ARIH2: variants seen among roughly 807,000 people sequenced by gnomAD.
The protein encoded by ARIH2 is E3 ubiquitin-protein ligase ARIH2.
ARIH2 carries 12 observed loss-of-function variants against 79.8 expected under a neutral mutation model. That is an observed-to-expected ratio of 0.15 (90% confidence interval 0.10 to 0.24). The LOEUF is 0.24. ARIH2 is among the 10% of genes least tolerant of loss of function. ARIH2 has a pLI of 1.00. For missense variants in ARIH2, 301 were observed against 618.3 expected, an observed-to-expected ratio of 0.49 and a Z score of 5.44; for synonymous variants, 224 against 213.9, an observed-to-expected ratio of 1.05 and a Z score of -0.41.
At chr3:48,944,691 A>C (rs919222128) in intron 3 of ARIH2, among the ~76,000 whole-genome samples, 1 of 152,172 alleles carries the variant, frequency 6.6e-6, no homozygotes, top group Non-Finnish European at 1.5e-5. Flanking sequence ...GTTTAGGGTC[A>C]GAAGCCCTAT....
intron 3 of ARIH2, among the ~76,000 whole-genome samples, chr3:48,942,189 T>TAG (rs1252162189): frequency 6.6e-6 from 1 of 151,976 alleles, no homozygotes; most frequent in Admixed American, 6.6e-5. Context: ...TAGCTGGGAT[T>TAG]AGAGGTGCCC....
intron 11 of ARIH2, 121 bp from the exon 12 acceptor site, chr3:48,979,361 T>A: frequency 9.7e-7 from 1 of 1,027,108 alleles, no homozygotes; most frequent in Non-Finnish European, 1.4e-6. Context: ...AGAGGCACCC[T>A]TGGGAAGTTG....
At chr3:48,967,430 A>G in intron 6 of ARIH2, 155 bp downstream of exon 6, 2 of 857,578 alleles carry the variant, frequency 2.3e-6, no homozygotes, top group South Asian at 1.8e-5. Flanking sequence ...CCATACAAAC[A>G]GTGACAAAGT....
At chr3:48,944,679 TG>T (rs538967802) in intron 3 of ARIH2, among the ~76,000 whole-genome samples, 2 of 152,134 alleles carry the variant, frequency 1.3e-5, no homozygotes, top group Non-Finnish European at 2.9e-5. Context: ...GGGGTGAGCC[TG>T]GTTTAGGGTC....
At position 48,984,865 on chromosome 3, in the gene ARIH2, G is replaced by T. The variant is rs759087578; in HGVS notation, c.*1595G>T. Reference sequence around the variant, plus strand: ...TAGCTGTGACTCATGGGATCATGAGGTCCATGGCTGGTTGCAGGTTCCCTT... The same window carrying T: ...TAGCTGTGACTCATGGGATCATGAGTTCCATGGCTGGTTGCAGGTTCCCTT... On this transcript the variant is annotated 3_prime_UTR_variant, in exon 16 of 16. Coordinates refer to ENST00000356401, the MANE Select transcript of ARIH2 (RefSeq NM_006321.4). 2.6e-5 allele frequency: 4 copies of T among 152,240 alleles called. No homozygotes were observed. Among genetic ancestry groups the T allele is most frequent in the Admixed American group, 6.5e-5 (1 of 15,278 alleles). 9.4% of individuals were successfully genotyped at this position (152,240 alleles called of 1,614,324 possible).
At chr3:48,975,248 T>C (rs1273940388) in intron 11 of ARIH2, 2 of 583,462 alleles carry the variant, frequency 3.4e-6, no homozygotes, top group Non-Finnish European at 6.0e-6. Context: ...TCCAAGAAGA[T>C]GATTTCAGGG....
intron 3 of ARIH2, among the ~76,000 whole-genome samples, chr3:48,951,364 G>A (rs186183031): frequency 3.4e-4 from 52 of 152,116 alleles, no homozygotes; most frequent in Middle Eastern, 3.4e-3. Context: ...CAGTGCAATG[G>A]CAAATTTTTA....
intron 1 of ARIH2, 123 bp downstream of exon 1, chr3:48,919,121 T>C (rs1177170750): frequency 7.8e-7 from 1 of 1,284,980 alleles, no homozygotes; most frequent in East Asian, 3.0e-5. Context: ...GCCCGGGCGC[T>C]CCCCGTCGCC....
At chr3:48,945,063 C>T in intron 3 of ARIH2, 2 of 1,245,616 alleles carry the variant, frequency 1.6e-6, no homozygotes, top group Non-Finnish European at 2.1e-6. Flanking sequence ...TTCATGTAGC[C>T]TTAAAAGATT....
intron 2 of ARIH2, 126 bp from the exon 3 acceptor site, chr3:48,927,336 A>G (rs2085762798): frequency 1.9e-6 from 1 of 528,600 alleles, no homozygotes; most frequent in Non-Finnish European, 3.3e-6. Flanking sequence ...TCCCCATGTG[A>G]TACCAGAGTT....
intron 2 of ARIH2, chr3:48,924,699 TA>T (rs1576093832): frequency 1.3e-5 from 2 of 151,856 alleles, no homozygotes; most frequent in Middle Eastern, 3.4e-3. Flanking sequence ...TTTTATTTTT[TA>T]TTTTTTTATT....
chr3:48,918,857 A>C lies in ARIH2; in HGVS notation c.-303A>C, dbSNP rs2084275964. 1 of 1,610,248 alleles carries C rather than the reference A, an allele frequency of 6.2e-7. No individual in the cohort carries two copies. The highest frequency in any genetic ancestry group is 8.5e-7 in the Non-Finnish European group (1 of 1,179,506). On this transcript the variant is annotated 5_prime_UTR_variant, in exon 1 of 16. Coordinates refer to ENST00000356401, the MANE Select transcript of ARIH2 (RefSeq NM_006321.4). ...AAGCACTTCCGGAGCTGTGGGGACG[A>C]CTCTTCTGGAGGAAGCAGCGCGGGC...
chr3:48,930,183 G>A (rs779719468), intron 3 of ARIH2, among the ~76,000 whole-genome samples: 31 of 152,144 alleles, frequency 2.0e-4, no homozygotes, highest in Non-Finnish European at 4.1e-4. Flanking sequence ...AAGTGATTCA[G>A]AAACTTGACC....
chr3:48,978,571 G>A (rs948566265), intron 11 of ARIH2, among the ~76,000 whole-genome samples: 1 of 147,412 alleles, frequency 6.8e-6, no homozygotes, highest in Admixed American at 6.9e-5. Flanking sequence ...CATCCGCCTT[G>A]GCCTCCCAGA....
chr3:48,922,953 A>G (rs2085013936), intron 2 of ARIH2, 142 bp downstream of exon 2: 1 of 152,222 alleles, frequency 6.6e-6, no homozygotes, highest in East Asian at 1.9e-4. Flanking sequence ...TGCATCTGTA[A>G]TCCCAGCACT....
At chr3:48,953,643 C>T (rs539398610) in intron 3 of ARIH2, among the ~76,000 whole-genome samples, 2 of 151,412 alleles carry the variant, frequency 1.3e-5, no homozygotes, top group South Asian at 2.1e-4. Context: ...TCTCATGATC[C>T]GCCCACCTGG....
At chr3:48,952,784 AG>A (rs1369843158) in intron 3 of ARIH2, among the ~76,000 whole-genome samples, 1 of 152,132 alleles carries the variant, frequency 6.6e-6, no homozygotes, top group Non-Finnish European at 1.5e-5. Context: ...AGAGATCAAG[AG>A]GGGGTCATTA....
At position 48,982,999 on chromosome 3, in the gene ARIH2, T is replaced by G. The variant is rs775299446; in HGVS notation, c.1410+20T>G. 2.4e-5 allele frequency: 38 copies of G among 1,607,090 alleles called. No homozygotes were observed. The highest frequency in any genetic ancestry group is 3.2e-5 in the Non-Finnish European group (37 of 1,173,590). ...AGAGGGGTAAGTGCCTACTGTCCTCTTGGATTCTATATTGCAGGTAGAGGA... is the reference window on the plus strand; with the variant it reads ...AGAGGGGTAAGTGCCTACTGTCCTCGTGGATTCTATATTGCAGGTAGAGGA... On this transcript the variant is annotated intron_variant, in intron 15 of 15. Transcript: ENST00000356401.
At chr3:48,983,150 G>T in intron 15 of ARIH2, 49 bp from the exon 16 acceptor site, 1 of 1,607,644 alleles carries the variant, frequency 6.2e-7, no homozygotes, top group Non-Finnish European at 8.5e-7. Flanking sequence ...GCTACTCCTT[G>T]CTCCCAGGCC....
Sources: gnomAD v4.1 joint callset for allele counts (sites outside exome capture counted in the v4.1 genomes callset) on GRCh38, gnomAD v4.1.1 for gene constraint, MANE v1.5 for transcripts, NCBI Gene and HGNC (gene_info 2026-07-23, HGNC 2026-07-21) for gene names.